Variants in NEK7 observed in about 807,000 individuals in gnomAD.
The protein encoded by NEK7 is serine/threonine-protein kinase Nek7.
A neutral mutation model predicts 44.6 loss-of-function variants in NEK7; 18 were observed. That is an observed-to-expected ratio of 0.40 (90% CI 0.28 to 0.60). The LOEUF (loss-of-function observed/expected upper bound fraction) is 0.60, where lower values mean the gene tolerates loss of function less well. NEK7 is among the 20% of genes least tolerant of loss of function. NEK7 has a pLI of 0.38. For synonymous variants in NEK7, 130 were observed against 121.1 expected, an observed-to-expected ratio of 1.07 and a Z score of -0.48; for missense variants, 256 against 366.5, an observed-to-expected ratio of 0.70 and a Z score of 2.46.
chr1:198,308,796 C>T (rs1417624737), intron 9 of NEK7, among the ~76,000 whole-genome samples: 1 of 152,192 alleles, frequency 6.6e-6, no homozygotes, highest in Non-Finnish European at 1.5e-5. Context: ...ATCATACTTT[C>T]TTTGGCCAAG....
At position 198,306,108 on chromosome 1, in the gene NEK7, G is replaced by A. The variant is rs181550030; in HGVS notation, c.798+8868G>A. 3.1e-4 allele frequency among the ~76,000 whole-genome samples: 47 copies of A among 152,210 alleles called. No homozygotes were observed. In the East Asian group the frequency reaches 9.1e-3, roughly 29 times the overall value. ...CTATAAAATTGTACATACCAGTAGT[G>A]TCCACCCCCATAGAGTTTTTATGAA... is the stretch of plus-strand genomic sequence containing the variant. On this transcript the variant is annotated intron_variant, in intron 9 of 9. Transcript: ENST00000367385.
chr1:198,174,331 G>A (rs1011852164), intron 1 of NEK7, among the ~76,000 whole-genome samples: 4 of 151,220 alleles, frequency 2.6e-5, no homozygotes, highest in East Asian at 1.9e-4. Flanking sequence ...TTAATTTTAC[G>A]TTTTTGAAAT....
chr1:198,278,227 C>G (rs890384718), intron 6 of NEK7, among the ~76,000 whole-genome samples, 158 bp downstream of exon 6: 2 of 149,002 alleles, frequency 1.3e-5, no homozygotes, highest in Non-Finnish European at 3.0e-5. Context: ...TAAAGCACTA[C>G]TAGGTTTTAA....
intron 9 of NEK7, among the ~76,000 whole-genome samples, chr1:198,316,469 G>A (rs375358665): frequency 1.2e-4 from 19 of 152,186 alleles, no homozygotes; most frequent in African/African-American, 4.6e-4. Flanking sequence ...CGTGTACGAG[G>A]TGCAACAACT....
intron 1 of NEK7, among the ~76,000 whole-genome samples, chr1:198,223,408 T>C (rs1666124350): frequency 6.6e-6 from 1 of 152,174 alleles, no homozygotes; most frequent in Non-Finnish European, 1.5e-5. Context: ...ATGTCCTTGA[T>C]GAAGTGGTAA....
intron 1 of NEK7, among the ~76,000 whole-genome samples, chr1:198,217,105 A>G (rs1665943875): frequency 1.3e-5 from 2 of 152,138 alleles, no homozygotes; most frequent in Non-Finnish European, 2.9e-5. Context: ...TCATTTTATG[A>G]AGCTAGTGTC....
chr1:198,238,942 C>T (rs1666611039), intron 2 of NEK7, among the ~76,000 whole-genome samples: 1 of 152,148 alleles, frequency 6.6e-6, no homozygotes, highest in African/African-American at 2.4e-5. Context: ...TAGAGTTGCC[C>T]AACCTAGAAA....
At chr1:198,284,948 C>T (rs1037658882) in intron 7 of NEK7, among the ~76,000 whole-genome samples, 3 of 152,060 alleles carry the variant, frequency 2.0e-5, no homozygotes, top group Non-Finnish European at 4.4e-5. Flanking sequence ...TTTTAAAGCA[C>T]GTTTTCTCCT....
Position 198,238,222 on chromosome 1 carries a change from A to G in NEK7, c.57+5585A>G, listed in dbSNP as rs192418712. On this transcript the variant is annotated intron_variant, in intron 2 of 9. Transcript: ENST00000367385. ...CCCCCCAGGACACTGCTTCCCCTGTAACCCTCTCAAGTGGAGGCTACTTAT... is the reference window on the plus strand; with the variant it reads ...CCCCCCAGGACACTGCTTCCCCTGTGACCCTCTCAAGTGGAGGCTACTTAT... Among the ~76,000 whole-genome samples, 142 of 152,132 alleles carry G rather than the reference A, an allele frequency of 9.3e-4. 1 individual carries two copies. In the Middle Eastern group the frequency reaches 0.031, roughly 33 times the overall value.
chr1:198,297,403 A>G (rs1002318207), intron 9 of NEK7, among the ~76,000 whole-genome samples, 163 bp downstream of exon 9: 2 of 152,232 alleles, frequency 1.3e-5, no homozygotes, highest in African/African-American at 4.8e-5. Context: ...TGCTGTCTAA[A>G]GAGTTGACTC....
chr1:198,224,745 G>T (rs1280345748), intron 1 of NEK7, among the ~76,000 whole-genome samples: 1 of 152,022 alleles, frequency 6.6e-6, no homozygotes, highest in East Asian at 1.9e-4. Flanking sequence ...TGGAGATGGA[G>T]AATATATGTG....
At chr1:198,287,089 TTA>T (rs1483714365) in intron 7 of NEK7, among the ~76,000 whole-genome samples, 2 of 152,210 alleles carry the variant, frequency 1.3e-5, no homozygotes, top group African/African-American at 4.8e-5. Context: ...TAACGCCATT[TTA>T]ATAGACTAAT....
chr1:198,227,316 C>A (rs61831664), intron 1 of NEK7, among the ~76,000 whole-genome samples: 3 of 152,200 alleles, frequency 2.0e-5, no homozygotes, highest in Admixed American at 6.5e-5. Context: ...GTGAATAGTG[C>A]TGCTATAAAC....
intron 4 of NEK7, among the ~76,000 whole-genome samples, chr1:198,263,120 A>AGAATAT (rs1389486905): frequency 6.6e-6 from 1 of 151,948 alleles, no homozygotes; most frequent in Non-Finnish European, 1.5e-5. Context: ...TCATCTACTA[A>AGAATAT]GAATATGACT....
intron 2 of NEK7, among the ~76,000 whole-genome samples, chr1:198,233,757 T>G (rs2102876713): frequency 6.6e-6 from 1 of 151,688 alleles, no homozygotes; most frequent in South Asian, 2.1e-4. Flanking sequence ...TTTTTTTTTT[T>G]TTTTTTTTAG....
At chr1:198,189,549 A>G (rs747510076) in intron 1 of NEK7, among the ~76,000 whole-genome samples, 1 of 152,150 alleles carries the variant, frequency 6.6e-6, no homozygotes, top group Non-Finnish European at 1.5e-5. Flanking sequence ...AACAATTTGT[A>G]TACAAATTTT....
At chr1:198,317,266 A>G (rs1481864039) in intron 9 of NEK7, among the ~76,000 whole-genome samples, 1 of 152,122 alleles carries the variant, frequency 6.6e-6, no homozygotes, top group African/African-American at 2.4e-5. Flanking sequence ...GGAAAAGCAA[A>G]CTCCAAGGTG....
chr1:198,308,619 T>G (rs1330331947), intron 9 of NEK7, among the ~76,000 whole-genome samples: 1 of 152,242 alleles, frequency 6.6e-6, no homozygotes, highest in Non-Finnish European at 1.5e-5. Flanking sequence ...AAATATGTGC[T>G]GAAGCACGAC....
Position 198,295,124 on chromosome 1 carries a change from A to T in NEK7, c.685-2003A>T, listed in dbSNP as rs530274709. 2.6e-5 allele frequency among the ~76,000 whole-genome samples: 4 copies of T among 151,760 alleles called. 1 individual carries two copies. The highest frequency in any genetic ancestry group is 6.6e-5 in the Admixed American group (1 of 15,242). On this transcript the variant is annotated intron_variant, in intron 8 of 9. Coordinates refer to ENST00000367385, the MANE Select transcript of NEK7 (RefSeq NM_133494.3). ...AAAACTAGCAGTACAGTTTTAATTG[A>T]TATGCAACAAAGTAGACTTTACTAA...
Sources: allele counts gnomAD v4.1 joint callset (sites outside exome capture counted in the v4.1 genomes callset), GRCh38; gene constraint gnomAD v4.1.1; transcripts MANE v1.5; gene names NCBI Gene and HGNC (gene_info 2026-07-23, HGNC 2026-07-21).